CBLC: variants seen among roughly 807,000 people sequenced by gnomAD.
The protein encoded by CBLC is Cbl proto-oncogene C, also known as E3 ubiquitin-protein ligase CBL-C.
Under a neutral mutation model 58.6 loss-of-function variants are expected in CBLC, and 46 were observed. The ratio of observed to expected loss-of-function variants is 0.79; its 90% CI spans 0.62 to 1.00. The LOEUF (loss-of-function observed/expected upper bound fraction) is 1.00, where lower values mean the gene tolerates loss of function less well. Ranked by LOEUF, CBLC falls within the 50% of genes least tolerant of loss-of-function variation. CBLC has a pLI of 0.00. For synonymous variants in CBLC, 271 were observed against 264.2 expected (o/e 1.03, Z -0.25); for missense variants, 655 against 625.8 (o/e 1.05, Z -0.50).
intron 9 of CBLC, among the ~76,000 whole-genome samples, 153 bp downstream of exon 9, chr19:44,794,434 T>A (rs2122500542): frequency 6.6e-6 from 1 of 151,926 alleles, no homozygotes; most frequent in East Asian, 1.9e-4. Context: ...CTTCCCTTGT[T>A]TTCATTCCCC....
intron 9 of CBLC, among the ~76,000 whole-genome samples, chr19:44,795,846 T>C (rs1363768432): frequency 1.3e-5 from 2 of 152,110 alleles, no homozygotes; most frequent in Non-Finnish European, 2.9e-5. Context: ...CACATACACG[T>C]CATAGGTGCT....
At chr19:44,781,927 A>G (rs1341237870) in intron 3 of CBLC, among the ~76,000 whole-genome samples, 1 of 76,918 alleles carries the variant, frequency 1.3e-5, no homozygotes, top group Admixed American at 1.5e-4. Context: ...CTGAGGGAGG[A>G]GGGCCTGGGG....
rs972789503 is a variant in CBLC, at chr19:44,782,198, C to T, written c.658-172C>T. 3.9e-5 allele frequency among the ~76,000 whole-genome samples: 6 copies of T among 151,994 alleles called. No homozygotes were observed. The South Asian group carries it at 8.3e-4, about 21-fold the overall frequency. Reference sequence around the variant, plus strand: ...GTCTGAGGGAGGAGGAAGCTAGGGTCCCAAACTCCTGAGTTCTGGAGAAAG... The same window carrying T: ...GTCTGAGGGAGGAGGAAGCTAGGGTTCCAAACTCCTGAGTTCTGGAGAAAG... On this transcript the variant is annotated intron_variant, in intron 3 of 10. Coordinates refer to ENST00000647358, the MANE Select transcript of CBLC (RefSeq NM_012116.4).
intron 9 of CBLC, among the ~76,000 whole-genome samples, chr19:44,799,101 C>T (rs1007191808): frequency 3.3e-5 from 5 of 152,176 alleles, no homozygotes; most frequent in African/African-American, 9.6e-5. Flanking sequence ...CTGCGAGCCT[C>T]GGGTTCAGTG....
At chr19:44,796,793 C>CCGGCT (rs1215188579) in intron 9 of CBLC, among the ~76,000 whole-genome samples, 1 of 152,064 alleles carries the variant, frequency 6.6e-6, no homozygotes, top group Non-Finnish European at 1.5e-5. Flanking sequence ...CTTAGTATCT[C>CCGGCT]CGGCTGAGTA....
chr19:44,784,963 T>TTTG (rs1568558698), intron 5 of CBLC, among the ~76,000 whole-genome samples: 1 of 107,656 alleles, frequency 9.3e-6, no homozygotes. Flanking sequence ...TTTTTTTTTT[T>TTTG]TTTTTTTTTT....
chr19:44,782,432 C>G lies in CBLC; in HGVS notation c.720C>G (p.Ala240=). Residue 240 remains alanine, a synonymous_variant, in exon 4 of 11, where the codon GCC becomes GCG. Transcript: ENST00000647358. ...LLAVNHPGYM[A]FLTYDEVQER... Reference sequence around the variant, plus strand: ...CAGTCAACCACCCAGGCTACATGGCCTTCCTCACCTATGATGAGGTCCAAG... The same window carrying G: ...CAGTCAACCACCCAGGCTACATGGCGTTCCTCACCTATGATGAGGTCCAAG... 6.2e-7 allele frequency: 1 copy of G among 1,613,918 alleles called. No homozygotes were observed. The highest frequency in any genetic ancestry group is 8.5e-7 in the Non-Finnish European group (1 of 1,179,872).
chr19:44,793,416 C>T, intron 7 of CBLC, 58 bp from the exon 8 acceptor site: 2 of 1,505,218 alleles, frequency 1.3e-6, no homozygotes, highest in Non-Finnish European at 1.8e-6. Flanking sequence ...CTCGTTGGCC[C>T]AAGGGACAGG....
intron 5 of CBLC, among the ~76,000 whole-genome samples, chr19:44,789,195 G>A (rs1247577647): frequency 6.6e-6 from 1 of 152,158 alleles, no homozygotes; most frequent in Non-Finnish European, 1.5e-5. Context: ...TCTGGTCCTT[G>A]CTGTGTGACC....
In CBLC at chr19:44,784,251, C is replaced by G. The variant is rs1412836876; in HGVS notation, c.780-13C>G. ...CCACTCCCTCACCCCATCCTACCTA[C>G]CTCTCCCTCCAGTTACATCTTCCGG... On this transcript the variant is annotated splice_polypyrimidine_tract_variant and intron_variant, in intron 4 of 10. Coordinates refer to ENST00000647358, the MANE Select transcript of CBLC (RefSeq NM_012116.4). 6.4e-7 allele frequency: 1 copy of G among 1,562,290 alleles called. No individual in the cohort carries two copies.
chr19:44,790,042 T>A lies in CBLC; in HGVS notation c.956T>A (p.Leu319Gln). The change falls in exon 6 of 11, where the codon CTG becomes CAG. Residue 319 changes from leucine to glutamine, a missense_variant. Leu to Gln is a moderately radical substitution (Grantham distance 113, BLOSUM62 -2). Around this residue, in one of 3 missense-constraint regions of CBLC, gnomAD observed 371 missense variants for 370.8 expected, o/e 1.00. Coordinates refer to ENST00000647358, the MANE Select transcript of CBLC (RefSeq NM_012116.4). ...YPDGKTHNPD[L>Q]TELGQAEPQQ... ...GATGGAAAGACCCACAACCCAGACC[T>A]GACTGAGCTCGGCCAGGCAGAACCC... is the stretch of plus-strand genomic sequence containing the variant. 2 of 1,613,758 alleles carry A rather than the reference T, an allele frequency of 1.2e-6. No homozygotes were observed. Among genetic ancestry groups the A allele is most frequent in the South Asian group, 2.2e-5 (2 of 91,070 alleles).
intron 5 of CBLC, among the ~76,000 whole-genome samples, chr19:44,787,328 A>G (rs1346422128): frequency 2.6e-5 from 4 of 152,040 alleles, no homozygotes; most frequent in African/African-American, 9.7e-5. Context: ...CGGGAGGTGG[A>G]GCTTGCAGTG....
chr19:44,798,961 C>T (rs1001927135), intron 9 of CBLC, among the ~76,000 whole-genome samples: 3 of 152,292 alleles, frequency 2.0e-5, no homozygotes, highest in Admixed American at 1.3e-4. Flanking sequence ...CTGGATCCTT[C>T]TTGCACTCAG....
intron 6 of CBLC, among the ~76,000 whole-genome samples, chr19:44,791,749 A>C (rs901022640): frequency 1.3e-5 from 2 of 151,870 alleles, no homozygotes; most frequent in Non-Finnish European, 2.9e-5. Context: ...AAAAAAAAAA[A>C]ATGAGTGTAG....
Position 44,788,351 on chromosome 19 carries a change from C to T in CBLC, c.918-1653C>T, listed in dbSNP as rs547732682. The stretch of plus-strand genomic sequence containing the variant: ...GTGTTGCCCAGGCTGGTCTCGAACC[C>T]CTGGGCTCAAGCAATCCTCCCGCCT... On this transcript the variant is annotated intron_variant, in intron 5 of 10. Transcript: ENST00000647358. Among the ~76,000 whole-genome samples, 13 of 151,674 alleles carry T rather than the reference C, an allele frequency of 8.6e-5. No homozygotes were observed. In the East Asian group the frequency reaches 2.1e-3, roughly 25 times the overall value.
intron 5 of CBLC, among the ~76,000 whole-genome samples, chr19:44,784,965 T>TG (rs1568558705): frequency 7.2e-5 from 8 of 110,860 alleles, no homozygotes; most frequent in South Asian, 3.9e-4. Flanking sequence ...TTTTTTTTTT[T>TG]TTTTTTTTTT....
rs1441956114 is a variant in CBLC, at chr19:44,780,891, G to A, written c.354-14G>A. ...AGCCCCAAGGATAGCCAGAGTCCTT[G>A]CCCATCCCCACAGGCGACAGCTGGC... On this transcript the variant is annotated splice_polypyrimidine_tract_variant and intron_variant, in intron 1 of 10. Coordinates refer to ENST00000647358, the MANE Select transcript of CBLC (RefSeq NM_012116.4). 2 of 1,609,442 alleles carry A rather than the reference G, an allele frequency of 1.2e-6. No individual in the cohort carries two copies. The highest frequency in any genetic ancestry group is 1.7e-5 in the Admixed American group (1 of 59,924).
At chr19:44,791,610 G>A (rs2122482316) in intron 6 of CBLC, among the ~76,000 whole-genome samples, 1 of 152,008 alleles carries the variant, frequency 6.6e-6, no homozygotes, top group South Asian at 2.1e-4. Flanking sequence ...GCTTATGCCT[G>A]TAGTCCCAGC....
intron 9 of CBLC, among the ~76,000 whole-genome samples, chr19:44,794,959 CT>C (rs35703201): frequency 0.064 from 8,769 of 136,276 alleles, 811 homozygotes; most frequent in African/African-American, 0.21. Context: ...AATCCCAGTA[CT>C]TTTTTTTTTT....
Sources: gnomAD v4.1 joint callset for allele counts (sites outside exome capture counted in the v4.1 genomes callset) on GRCh38, gnomAD v4.1.1 for gene constraint, gnomAD v4.1.1 regional missense constraint, MANE v1.5 for transcripts, NCBI Gene and HGNC (gene_info 2026-07-23, HGNC 2026-07-21) for gene names.